The following DCLK1 variants were observed in gnomAD, a reference collection of about 807,000 sequenced individuals.
DCLK1 encodes the protein serine/threonine-protein kinase DCLK1.
In DCLK1, 16 loss-of-function variants were observed where a neutral mutation model predicts 86.2. The observed-to-expected ratio is 0.19, with a 90% CI of 0.13 to 0.28. The LOEUF is 0.28. DCLK1 is among the 10% of genes least tolerant of loss of function. The probability of loss-of-function intolerance (pLI) is 1.00; values close to 1 mark genes in which losing one functional copy is unlikely to be tolerated. For synonymous variants in DCLK1, 369 were observed against 370.5 expected (o/e 1.00, Z 0.05); for missense variants, 590 against 940.2 (o/e 0.63, Z 4.87).
intron 3 of DCLK1, among the ~76,000 whole-genome samples, chr13:36,089,411 T>C (rs1593879613): frequency 6.6e-6 from 1 of 152,172 alleles, no homozygotes; most frequent in Non-Finnish European, 1.5e-5. Flanking sequence ...TATAACTCTA[T>C]TTTTGGAAAC....
At chr13:35,976,770 G>A (rs1367402845) in intron 3 of DCLK1, among the ~76,000 whole-genome samples, 5 of 151,334 alleles carry the variant, frequency 3.3e-5, no homozygotes, top group Admixed American at 1.3e-4. Flanking sequence ...TCTTGACCTC[G>A]TGATCCGCCC....
chr13:36,128,514 C>A (rs1352052077), intron 1 of DCLK1, among the ~76,000 whole-genome samples: 1 of 152,146 alleles, frequency 6.6e-6, no homozygotes, highest in African/African-American at 2.4e-5. Flanking sequence ...ATAACTGATC[C>A]AGACCTCGTC....
intron 3 of DCLK1, among the ~76,000 whole-genome samples, chr13:35,970,244 T>C (rs1879000992): frequency 6.6e-6 from 1 of 152,206 alleles, no homozygotes; most frequent in Non-Finnish European, 1.5e-5. Context: ...ATCCAGAAAT[T>C]AGTTGTGAAA....
chr13:36,083,990 C>A (rs1375482004), intron 3 of DCLK1, among the ~76,000 whole-genome samples: 1 of 152,062 alleles, frequency 6.6e-6, no homozygotes, highest in Admixed American at 6.5e-5. Context: ...TAATAGAAAT[C>A]GGTCAAATTG....
At position 35,772,709 on chromosome 13, in the gene DCLK1, T is replaced by C. The variant is rs1434885428; in HGVS notation, c.*1826A>G. 2 of 152,080 alleles carry C rather than the reference T, an allele frequency of 1.3e-5. No individual in the cohort carries two copies. The highest frequency in any genetic ancestry group is 4.8e-5 in the African/African-American group (2 of 41,382). 9.4% of individuals were successfully genotyped at this position (152,080 alleles called of 1,614,324 possible). A position where few individuals can be genotyped will look rare whatever the true frequency, so the allele number is the denominator to read the frequency against. On this transcript the variant is annotated 3_prime_UTR_variant, in exon 17 of 17. Coordinates refer to ENST00000360631, the MANE Select transcript of DCLK1 (RefSeq NM_001330071.2). ...CTCAATAAACGATATGCTTTTTACATGTCAGGACAACACAGACCACAGAGA... is the reference window on the plus strand; with the variant it reads ...CTCAATAAACGATATGCTTTTTACACGTCAGGACAACACAGACCACAGAGA...
At chr13:35,784,993 C>T (rs1235928107) in intron 16 of DCLK1, among the ~76,000 whole-genome samples, 3 of 152,194 alleles carry the variant, frequency 2.0e-5, no homozygotes, top group African/African-American at 7.2e-5. Context: ...CGGCCATCAC[C>T]GCTCTGCCTC....
At position 35,793,232 on chromosome 13, in the gene DCLK1, G is replaced by A. The variant is rs149526371; in HGVS notation, c.2058+134C>T. On this transcript the variant is annotated intron_variant, in intron 16 of 16. Coordinates refer to ENST00000360631, the MANE Select transcript of DCLK1 (RefSeq NM_001330071.2). The stretch of plus-strand genomic sequence containing the variant: ...ATATATAAGTCCCATACCTCCTCTA[G>A]TGCATTAAGTGGCTGAGCTGTCTAA... The A allele has an allele frequency of 6.9e-4, 386 of 558,142 alleles. 1 individual carries two copies. Among genetic ancestry groups the A allele is most frequent in the African/African-American group, 6.9e-3 (364 of 52,996 alleles). The allele number at this position is 558,142 out of a possible 1,614,324, so 34.6% of individuals were successfully genotyped here.
chr13:36,097,989 CT>C (rs1435551661), intron 3 of DCLK1, among the ~76,000 whole-genome samples: 3 of 152,184 alleles, frequency 2.0e-5, no homozygotes, highest in African/African-American at 4.8e-5. Flanking sequence ...TACTTTCCCC[CT>C]GATTCTGCAT....
chr13:35,869,184 C>A, intron 5 of DCLK1: 1 of 487,506 alleles, frequency 2.1e-6, no homozygotes, highest in Admixed American at 2.1e-5. Context: ...GTCAGCTGGA[C>A]AAGCTCAGTT....
At chr13:35,949,188 G>C (rs1035306500) in intron 3 of DCLK1, among the ~76,000 whole-genome samples, 3 of 152,206 alleles carry the variant, frequency 2.0e-5, no homozygotes, top group African/African-American at 7.2e-5. Flanking sequence ...TTGTGCAAAA[G>C]AGAGTTCTAA....
intron 4 of DCLK1, among the ~76,000 whole-genome samples, chr13:35,944,133 C>T (rs1035468180): frequency 6.6e-5 from 10 of 152,206 alleles, no homozygotes; most frequent in African/African-American, 2.4e-4. Context: ...CCATGAAATA[C>T]TCATCTACAA....
chr13:36,071,805 C>T (rs916859685), intron 3 of DCLK1, among the ~76,000 whole-genome samples: 15 of 152,174 alleles, frequency 9.9e-5, no homozygotes, highest in African/African-American at 3.6e-4. Context: ...GTCCTTACCA[C>T]TAGACTATAT....
intron 5 of DCLK1, among the ~76,000 whole-genome samples, chr13:35,858,849 A>G (rs1401102894): frequency 1.3e-5 from 2 of 152,242 alleles, no homozygotes. Context: ...CATTGGGAAC[A>G]GCATGTACTC....
At chr13:35,789,567 T>C (rs1350696407) in intron 16 of DCLK1, among the ~76,000 whole-genome samples, 1 of 152,204 alleles carries the variant, frequency 6.6e-6, no homozygotes, top group African/African-American at 2.4e-5. Flanking sequence ...AGCTTCCCAG[T>C]GTCACAATTA....
chr13:36,089,867 A>G (rs1188310644), intron 3 of DCLK1, among the ~76,000 whole-genome samples: 1 of 152,224 alleles, frequency 6.6e-6, no homozygotes, highest in African/African-American at 2.4e-5. Flanking sequence ...AGCATGAGGG[A>G]ACCAAAGCTT....
chr13:36,050,052 G>A (rs552172320), intron 3 of DCLK1, among the ~76,000 whole-genome samples: 10 of 152,202 alleles, frequency 6.6e-5, no homozygotes, highest in African/African-American at 2.4e-4. Context: ...GAAAATTCTG[G>A]AAATTTTAAC....
chr13:35,970,777 G>C (rs1048401841), intron 3 of DCLK1, among the ~76,000 whole-genome samples: 1 of 152,158 alleles, frequency 6.6e-6, no homozygotes, highest in Admixed American at 6.5e-5. Context: ...CGGGTATTCT[G>C]TTATAGCAGC....
rs528734808 is a variant in DCLK1 at position 35,841,667 on chromosome 13, G to A, written c.1036-2491C>T. 3.9e-5 allele frequency among the ~76,000 whole-genome samples: 6 copies of A among 152,280 alleles called. No homozygotes were observed. The East Asian group carries it at 1.2e-3, about 29-fold the overall frequency. On this transcript the variant is annotated intron_variant, in intron 6 of 16. Coordinates refer to ENST00000360631, the MANE Select transcript of DCLK1 (RefSeq NM_001330071.2). The stretch of plus-strand genomic sequence containing the variant: ...TTTCTGCTGCTTGAGAGTAACAGAT[G>A]ATGGGCAGTCAAGAGAAAAACGTAC...
intron 3 of DCLK1, among the ~76,000 whole-genome samples, chr13:36,004,416 G>A (rs1880855180): frequency 6.6e-6 from 1 of 152,142 alleles, no homozygotes; most frequent in East Asian, 1.9e-4. Flanking sequence ...CACATAGTGG[G>A]GGCTCAATAA....
Sources: allele counts gnomAD v4.1 joint callset (sites outside exome capture counted in the v4.1 genomes callset), GRCh38; gene constraint gnomAD v4.1.1; transcripts MANE v1.5; gene names NCBI Gene and HGNC (gene_info 2026-07-23, HGNC 2026-07-21).